Variants in PALLD observed in about 807,000 individuals in gnomAD.
PALLD encodes palladin, cytoskeletal associated protein.
In PALLD, 61 loss-of-function variants were observed where a neutral mutation model predicts 123.5. That is an observed-to-expected ratio of 0.49 (90% CI 0.40 to 0.61). The LOEUF is 0.61. PALLD is among the 20% of genes least tolerant of loss of function. The pLI, the probability that PALLD is intolerant of heterozygous loss-of-function variation, is 0.00. For synonymous variants in PALLD, 465 were observed against 496.4 expected, an observed-to-expected ratio of 0.94 and a Z score of 0.84; for missense variants, 1,273 against 1,377.0, an observed-to-expected ratio of 0.92 and a Z score of 1.20.
At chr4:168,861,699 C>T (rs1010599010) in intron 10 of PALLD, among the ~76,000 whole-genome samples, 4 of 151,764 alleles carry the variant, frequency 2.6e-5, no homozygotes, top group Admixed American at 1.3e-4. Flanking sequence ...GATGGGGTCT[C>T]GCTCTGTCCC....
At chr4:168,556,317 G>T (rs527283681) in intron 2 of PALLD, among the ~76,000 whole-genome samples, 1 of 152,078 alleles carries the variant, frequency 6.6e-6, no homozygotes, top group South Asian at 2.1e-4. Context: ...GGATGCTCTC[G>T]ATCTCCTGAC....
chr4:168,879,913 T>G (rs1329372771), intron 10 of PALLD, among the ~76,000 whole-genome samples: 1 of 152,116 alleles, frequency 6.6e-6, no homozygotes, highest in East Asian at 1.9e-4. Context: ...GTGTATTATC[T>G]TGGTACAAAG....
intron 10 of PALLD, among the ~76,000 whole-genome samples, chr4:168,880,409 T>G (rs962590559): frequency 4.6e-4 from 70 of 152,234 alleles, no homozygotes; most frequent in African/African-American, 1.6e-3. Context: ...GACTACAGAT[T>G]TTTAGCTCCA....
At chr4:168,739,644 T>G (rs1233753391) in intron 10 of PALLD, among the ~76,000 whole-genome samples, 4 of 152,188 alleles carry the variant, frequency 2.6e-5, no homozygotes, top group Admixed American at 2.6e-4. Context: ...TCCTTACACA[T>G]TCTATGCATG....
At chr4:168,729,761 T>C (rs1353476421) in intron 10 of PALLD, among the ~76,000 whole-genome samples, 5 of 152,220 alleles carry the variant, frequency 3.3e-5, no homozygotes, top group African/African-American at 1.2e-4. Flanking sequence ...AAAGAAAGGG[T>C]ACAGACCACA....
At chr4:168,811,757 TTCTC>T (rs1225193326) in intron 10 of PALLD, among the ~76,000 whole-genome samples, 3,126 of 130,168 alleles carry the variant, frequency 0.024, 104 homozygotes, top group African/African-American at 0.081. Flanking sequence ...CTCTCTCTCT[TTCTC>T]TCTCTCTCTC....
At chr4:168,568,931 C>T (rs1288914800) in intron 2 of PALLD, among the ~76,000 whole-genome samples, 2 of 151,496 alleles carry the variant, frequency 1.3e-5, no homozygotes, top group Non-Finnish European at 2.9e-5. Context: ...TTTAGGAAAA[C>T]ATTTAAGTGT....
At chr4:168,600,791 G>A (rs1391617248) in intron 2 of PALLD, among the ~76,000 whole-genome samples, 1 of 152,148 alleles carries the variant, frequency 6.6e-6, no homozygotes, top group African/African-American at 2.4e-5. Flanking sequence ...ACTGCAAGCA[G>A]TTACCAACAG....
chr4:168,874,397 A>G (rs537032777), intron 10 of PALLD, among the ~76,000 whole-genome samples: 1 of 152,282 alleles, frequency 6.6e-6, no homozygotes, highest in East Asian at 1.9e-4. Context: ...GCCCCATCCA[A>G]CCATCTGTAA....
intron 2 of PALLD, among the ~76,000 whole-genome samples, chr4:168,617,117 C>A (rs1049007801): frequency 3.9e-5 from 6 of 152,152 alleles, no homozygotes; most frequent in Non-Finnish European, 7.3e-5. Context: ...AAGGAGGCAA[C>A]ATACTAAAAA....
At chr4:168,827,165 C>T in intron 10 of PALLD, among the ~76,000 whole-genome samples, 1 of 152,300 alleles carries the variant, frequency 6.6e-6, no homozygotes, top group African/African-American at 2.4e-5. Flanking sequence ...TCCATTCTCC[C>T]TTATCTTAAT....
At chr4:168,892,612 G>A (rs976272366) in intron 11 of PALLD, among the ~76,000 whole-genome samples, 1 of 152,082 alleles carries the variant, frequency 6.6e-6, no homozygotes, top group Non-Finnish European at 1.5e-5. Flanking sequence ...GTGATTGCAT[G>A]TGTAAATGTA....
chr4:168,696,929 A>G (rs1226209354), intron 8 of PALLD, among the ~76,000 whole-genome samples: 2 of 152,176 alleles, frequency 1.3e-5, no homozygotes, highest in Non-Finnish European at 2.9e-5. Flanking sequence ...AGTTCCCCAA[A>G]CTGAAAGTTA....
Position 168,827,291 on chromosome 4 carries a change from C to T in PALLD, c.1965-63631C>T, listed in dbSNP as rs139081843. On this transcript the variant is annotated intron_variant, in intron 10 of 21. Coordinates refer to ENST00000505667, the MANE Select transcript of PALLD (RefSeq NM_001166108.2). ...TCGGAGGGGTGCCCTTTCCCTCCTC[C>T]CCTACTAGTCTGTCTTCATGATCAG... Among the ~76,000 whole-genome samples the T allele has an allele frequency of 2.0e-3, 310 of 152,336 alleles. No individual in the cohort carries two copies. The East Asian group carries it at 0.021, about 11-fold the overall frequency.
chr4:168,672,620 G>A (rs973140940), intron 3 of PALLD, among the ~76,000 whole-genome samples: 3 of 152,002 alleles, frequency 2.0e-5, no homozygotes, highest in Admixed American at 6.6e-5. Context: ...CACCACGCCC[G>A]TCTAATTTTT....
At chr4:168,552,294 C>G (rs948402064) in intron 2 of PALLD, among the ~76,000 whole-genome samples, 28 of 152,068 alleles carry the variant, frequency 1.8e-4, no homozygotes, top group African/African-American at 6.5e-4. Flanking sequence ...AGGGCAGGAA[C>G]CTGGGAAGTT....
intron 2 of PALLD, chr4:168,530,846 C>G (rs1764533767): frequency 6.6e-6 from 1 of 152,226 alleles, no homozygotes; most frequent in African/African-American, 2.4e-5. Context: ...CTACTCACCT[C>G]TCTCTCCAAA....
intron 2 of PALLD, among the ~76,000 whole-genome samples, chr4:168,584,215 G>GTT (rs10654362): frequency 0.15 from 21,760 of 147,964 alleles, 2,012 homozygotes; most frequent in East Asian, 0.48. Flanking sequence ...AGACCATCAG[G>GTT]TTTTTTTTTT....
intron 10 of PALLD, among the ~76,000 whole-genome samples, chr4:168,861,325 T>A (rs1749431854): frequency 6.6e-6 from 1 of 151,634 alleles, no homozygotes; most frequent in African/African-American, 2.4e-5. Context: ...ACCATACAGC[T>A]TATATCTATA....
Sources: allele counts gnomAD v4.1 joint callset (sites outside exome capture counted in the v4.1 genomes callset), GRCh38; gene constraint gnomAD v4.1.1; transcripts MANE v1.5; gene names NCBI Gene and HGNC (gene_info 2026-07-23, HGNC 2026-07-21).